Variants in DCHS2 observed in about 807,000 individuals in gnomAD.
DCHS2 encodes the protein protocadherin-23.
DCHS2 carries 142 observed loss-of-function variants against 182.4 expected under a neutral mutation model. That is an observed-to-expected ratio of 0.78 (90% confidence interval 0.68 to 0.89). The LOEUF (loss-of-function observed/expected upper bound fraction) is 0.89. Ranked by LOEUF, DCHS2 falls within the 40% of genes least tolerant of loss-of-function variation. The pLI is 0.00. For synonymous variants in DCHS2, 1,740 were observed against 1,663.3 expected (o/e 1.05, Z -1.12); for missense variants, 4,319 against 4,198.6 (o/e 1.03, Z -0.79).
intron 1 of DCHS2, among the ~76,000 whole-genome samples, chr4:154,467,830 T>C (rs1735300867): frequency 1.3e-5 from 2 of 152,222 alleles, no homozygotes; most frequent in African/African-American, 4.8e-5. Flanking sequence ...TCTTAAATGC[T>C]TTATAAATGT....
chr4:154,336,194 C>T (rs1728800815), intron 3 of DCHS2, among the ~76,000 whole-genome samples: 1 of 152,138 alleles, frequency 6.6e-6, no homozygotes, highest in Admixed American at 6.5e-5. Flanking sequence ...AGAGTGACGA[C>T]TTAGGCTTAT....
intron 1 of DCHS2, among the ~76,000 whole-genome samples, chr4:154,389,129 T>A (rs1254710631): frequency 6.6e-6 from 1 of 152,232 alleles, no homozygotes; most frequent in Non-Finnish European, 1.5e-5. Context: ...AATGAATGGC[T>A]GTGTTCCAGT....
At chr4:154,292,806 C>A (rs1014299381) in intron 13 of DCHS2, among the ~76,000 whole-genome samples, 18 of 152,110 alleles carry the variant, frequency 1.2e-4, no homozygotes, top group African/African-American at 4.1e-4. Context: ...GGTGGCAGCC[C>A]ACTACCTCAC....
intron 2 of DCHS2, 109 bp from the exon 3 acceptor site, chr4:154,366,550 G>A (rs890958113): frequency 4.0e-6 from 3 of 744,128 alleles, no homozygotes; most frequent in Admixed American, 2.1e-5. Flanking sequence ...ATTTGAATAT[G>A]TGGGGGTTTG....
Position 154,234,925 on chromosome 4 carries a change from TG to T in DCHS2, c.9726del (p.Lys3243AsnfsTer15). 6.2e-7 allele frequency: 1 copy of T among 1,614,016 alleles called. No homozygotes were observed. Among genetic ancestry groups the T allele is most frequent in the Non-Finnish European group, 8.5e-7 (1 of 1,179,924 alleles). On this transcript the variant is annotated frameshift_variant, in exon 20 of 20. Transcript: ENST00000357232. LOFTEE classifies it low-confidence loss of function (END_TRUNC). ...YHWNYLLSWE[P>X]KFQPLASVFN... ...AATACTGAGGCAAGAGGTTGGAATT[TG>T]GGCTCCCAACTAAGAAGATAATTCC...
At chr4:154,361,833 G>T (rs1730138090) in intron 3 of DCHS2, among the ~76,000 whole-genome samples, 2 of 151,884 alleles carry the variant, frequency 1.3e-5, no homozygotes, top group Admixed American at 1.3e-4. Flanking sequence ...CATGAGTCTT[G>T]GTTGTGGCAT....
chr4:154,349,902 A>C (rs921791639), intron 3 of DCHS2, among the ~76,000 whole-genome samples: 19 of 152,242 alleles, frequency 1.2e-4, no homozygotes, highest in Non-Finnish European at 2.6e-4. Context: ...ATACCTGTGA[A>C]ATGATGATAA....
At chr4:154,382,140 A>G (rs1470283239) in intron 1 of DCHS2, among the ~76,000 whole-genome samples, 2 of 152,132 alleles carry the variant, frequency 1.3e-5, no homozygotes, top group African/African-American at 4.8e-5. Context: ...TCACACCTAC[A>G]GCCATCTGAT....
At chr4:154,383,868 T>C (rs951147025) in intron 1 of DCHS2, among the ~76,000 whole-genome samples, 3 of 151,706 alleles carry the variant, frequency 2.0e-5, no homozygotes, top group Non-Finnish European at 4.4e-5. Flanking sequence ...AAAAGAGCAA[T>C]AAAACAGGAG....
In DCHS2 at chr4:154,259,771, A is replaced by C; in HGVS notation, c.6578-15T>G. ...AGTGAGTTGTCCTATTTTTATTTCC[A>C]AGGAGAAAAAAAAGAAAATGATGTT... On this transcript the variant is annotated splice_polypyrimidine_tract_variant and intron_variant, in intron 14 of 19. Transcript: ENST00000357232. 1 of 1,581,758 alleles carries C rather than the reference A, an allele frequency of 6.3e-7. No individual in the cohort carries two copies. The highest frequency in any genetic ancestry group is 8.6e-7 in the Non-Finnish European group (1 of 1,169,566).
At chr4:154,275,872 A>T (rs1733832376) in intron 13 of DCHS2, among the ~76,000 whole-genome samples, 1 of 152,198 alleles carries the variant, frequency 6.6e-6, no homozygotes, top group Admixed American at 6.5e-5. Flanking sequence ...GGCCTCTCTC[A>T]TAAAGGAACA....
intron 19 of DCHS2, among the ~76,000 whole-genome samples, chr4:154,238,006 AAATCT>A (rs1268078609): frequency 6.6e-6 from 1 of 152,196 alleles, no homozygotes; most frequent in Non-Finnish European, 1.5e-5. Context: ...GCTCAGTGCA[AAATCT>A]GTCAATAGCA....
chr4:154,245,224 C>T (rs756068475), intron 16 of DCHS2, among the ~76,000 whole-genome samples: 4 of 152,156 alleles, frequency 2.6e-5, no homozygotes, highest in Admixed American at 1.3e-4. Context: ...ATGGCTCTTT[C>T]GCAGTTGTGA....
chr4:154,243,861 A>C (rs1024573295), intron 16 of DCHS2, among the ~76,000 whole-genome samples: 1 of 152,052 alleles, frequency 6.6e-6, no homozygotes, highest in African/African-American at 2.4e-5. Context: ...TCCACCCTCT[A>C]TATTGCGCTC....
At position 154,491,079 on chromosome 4, in the gene DCHS2, C is replaced by T. The variant is rs1009329012; in HGVS notation, c.277G>A (p.Ala93Thr). Reference protein sequence around the residue: ...VGDIRAGLPAAQQQEGSGFFL... With the variant: ...VGDIRAGLPATQQQEGSGFFL... ...AAGCCGCTCCCCTCCTGCTGCTGCGCGGCCGGCAGCCCGGCGCGGATGTCA... is the reference window on the plus strand; with the variant it reads ...AAGCCGCTCCCCTCCTGCTGCTGCGTGGCCGGCAGCCCGGCGCGGATGTCA... Residue 93 changes from alanine (A) to threonine (T), a missense_variant, in exon 1 of 20, where the codon GCG becomes ACG. Transcript: ENST00000357232. The T allele has an allele frequency of 2.6e-6, 4 of 1,551,198 alleles. No individual in the cohort carries two copies. Among genetic ancestry groups the T allele is most frequent in the African/African-American group, 2.7e-5 (2 of 73,060 alleles).
chr4:154,328,294 A>G, intron 6 of DCHS2, 102 bp from the exon 7 acceptor site: 1 of 757,048 alleles, frequency 1.3e-6, no homozygotes, highest in Non-Finnish European at 2.1e-6. Flanking sequence ...AACATTTTAA[A>G]CTATCTTAAA....
intron 1 of DCHS2, among the ~76,000 whole-genome samples, chr4:154,402,910 T>G (rs1401833662): frequency 6.6e-6 from 1 of 152,214 alleles, no homozygotes; most frequent in Non-Finnish European, 1.5e-5. Context: ...TTTTATTAAA[T>G]TTATTCTTAG....
At chr4:154,443,295 C>G (rs1286082403) in intron 1 of DCHS2, among the ~76,000 whole-genome samples, 1 of 152,176 alleles carries the variant, frequency 6.6e-6, no homozygotes, top group Non-Finnish European at 1.5e-5. Flanking sequence ...CTAACACAAC[C>G]TCAAGTGACA....
chr4:154,280,321 T>C (rs909697715), intron 13 of DCHS2, among the ~76,000 whole-genome samples: 4 of 152,140 alleles, frequency 2.6e-5, no homozygotes, highest in Non-Finnish European at 4.4e-5. Flanking sequence ...TCAATTCTTC[T>C]TAAACTCTTT....
Sources: gnomAD v4.1 joint callset for allele counts (sites outside exome capture counted in the v4.1 genomes callset) on GRCh38, gnomAD v4.1.1 for gene constraint, MANE v1.5 for transcripts, NCBI Gene and HGNC (gene_info 2026-07-23, HGNC 2026-07-21) for gene names.